Variants in ARFGEF1 observed in about 807,000 individuals in gnomAD.
ARFGEF1 encodes ARF guanine nucleotide exchange factor 1, also known as brefeldin A-inhibited guanine nucleotide-exchange protein 1.
In ARFGEF1, 42 loss-of-function variants were observed where a neutral mutation model predicts 231.0. The observed-to-expected ratio is 0.18, with a 90% confidence interval of 0.14 to 0.24. The LOEUF (loss-of-function observed/expected upper bound fraction) is 0.24. ARFGEF1 is among the 10% of genes least tolerant of loss of function. ARFGEF1 has a pLI of 1.00. For synonymous variants in ARFGEF1, 710 were observed against 732.3 expected, an observed-to-expected ratio of 0.97 and a Z score of 0.49; for missense variants, 1,345 against 2,192.0, an observed-to-expected ratio of 0.61 and a Z score of 7.72.
At chr8:67,237,801 G>C (rs1384146681) in intron 22 of ARFGEF1, among the ~76,000 whole-genome samples, 2 of 152,148 alleles carry the variant, frequency 1.3e-5, no homozygotes, top group African/African-American at 4.8e-5. Flanking sequence ...AATAAGCTCT[G>C]TTTCTTCCCT....
chr8:67,311,360 T>G (rs1271347697), intron 1 of ARFGEF1, among the ~76,000 whole-genome samples: 24 of 100,312 alleles, frequency 2.4e-4, no homozygotes, highest in Non-Finnish European at 4.8e-4. Flanking sequence ...CGGCCGCCCC[T>G]ACTGGGAAGT....
chr8:67,306,798 G>C (rs1481813737), intron 1 of ARFGEF1, among the ~76,000 whole-genome samples: 1 of 152,014 alleles, frequency 6.6e-6, no homozygotes, highest in Non-Finnish European at 1.5e-5. Context: ...CTTTTTTTCA[G>C]ACAGAGTCTC....
At chr8:67,207,380 C>T (rs184403979) in intron 34 of ARFGEF1, among the ~76,000 whole-genome samples, 3 of 152,320 alleles carry the variant, frequency 2.0e-5, no homozygotes, top group Admixed American at 6.5e-5. Context: ...AAGAATTTGG[C>T]AGATGAGGCT....
chr8:67,288,085 C>A lies in ARFGEF1; in HGVS notation c.917-20G>T. 6.6e-7 allele frequency: 1 copy of A among 1,504,048 alleles called. No individual in the cohort carries two copies. The allele number at this position is 1,504,048 out of a possible 1,614,324, so 93.2% of individuals were successfully genotyped here. ...ATAATGCTTTAAAAGAAGAAAAATTCAACAGAACATTATTTTAACTTTTTG... is the reference window on the plus strand; with the variant it reads ...ATAATGCTTTAAAAGAAGAAAAATTAAACAGAACATTATTTTAACTTTTTG... On this transcript the variant is annotated intron_variant, in intron 6 of 38. Transcript: ENST00000262215.
chr8:67,326,665 CATT>C (rs1372596930), intron 1 of ARFGEF1, among the ~76,000 whole-genome samples: 1 of 152,162 alleles, frequency 6.6e-6, no homozygotes, highest in Non-Finnish European at 1.5e-5. Context: ...CCTCACTTAA[CATT>C]GTTGTTCTTG....
At chr8:67,222,956 C>A (rs1239370779) in intron 29 of ARFGEF1, among the ~76,000 whole-genome samples, 2 of 152,170 alleles carry the variant, frequency 1.3e-5, no homozygotes, top group African/African-American at 4.8e-5. Flanking sequence ...ACATGCTGTG[C>A]AGGTTGTACC....
At chr8:67,297,932 A>G (rs1806310679) in intron 4 of ARFGEF1, among the ~76,000 whole-genome samples, 1 of 151,840 alleles carries the variant, frequency 6.6e-6, no homozygotes, top group African/African-American at 2.4e-5. Context: ...CCTCCTGAGT[A>G]GCTGGGACCA....
At chr8:67,273,616 CT>C (rs901505341) in intron 9 of ARFGEF1, among the ~76,000 whole-genome samples, 3 of 152,000 alleles carry the variant, frequency 2.0e-5, no homozygotes, top group Admixed American at 6.6e-5. Context: ...AAAAATACTA[CT>C]TTCTCTGAAA....
chr8:67,191,160 G>A (rs890898338), intron 5 of ARFGEF1, among the ~76,000 whole-genome samples: 2 of 152,176 alleles, frequency 1.3e-5, no homozygotes, highest in African/African-American at 2.4e-5. Flanking sequence ...TGGGCAAGAA[G>A]GCTGAGATTC....
At chr8:67,243,706 C>T (rs1840003306) in intron 19 of ARFGEF1, among the ~76,000 whole-genome samples, 1 of 152,172 alleles carries the variant, frequency 6.6e-6, no homozygotes, top group Non-Finnish European at 1.5e-5. Context: ...GCCCAGACAT[C>T]AATGAACATC....
intron 1 of ARFGEF1, among the ~76,000 whole-genome samples, chr8:67,302,668 T>C (rs1485851695): frequency 1.3e-5 from 2 of 152,180 alleles, no homozygotes; most frequent in East Asian, 1.9e-4. Flanking sequence ...ATAGGTACAT[T>C]AACAAACATA....
chr8:67,300,116 A>G (rs78638123), intron 3 of ARFGEF1, among the ~76,000 whole-genome samples: 346 of 152,300 alleles, frequency 2.3e-3, no homozygotes, highest in African/African-American at 8.0e-3. Flanking sequence ...CAGTTTCCAT[A>G]TACTAGCTGA....
chr8:67,263,245 C>A (rs2128892162), intron 14 of ARFGEF1, among the ~76,000 whole-genome samples: 1 of 152,264 alleles, frequency 6.6e-6, no homozygotes, highest in East Asian at 1.9e-4. Flanking sequence ...GTTTACAGAT[C>A]ATTTACTTCC....
intron 1 of ARFGEF1, among the ~76,000 whole-genome samples, chr8:67,331,951 G>A (rs1469941214): frequency 2.6e-5 from 4 of 152,070 alleles, no homozygotes; most frequent in Non-Finnish European, 4.4e-5. Flanking sequence ...ATTTTAAACA[G>A]TTCTGCATAT....
chr8:67,288,378 T>C (rs753725568), intron 6 of ARFGEF1, among the ~76,000 whole-genome samples: 10 of 152,244 alleles, frequency 6.6e-5, no homozygotes, highest in Non-Finnish European at 1.5e-4. Flanking sequence ...ATTTCTAACA[T>C]GTCCTACAGA....
At chr8:67,242,574 C>T (rs758842681) in intron 19 of ARFGEF1, among the ~76,000 whole-genome samples, 7 of 152,186 alleles carry the variant, frequency 4.6e-5, no homozygotes, top group Non-Finnish European at 8.8e-5. Context: ...CACTGTGGGA[C>T]TCGGGTGAGA....
chr8:67,223,653 T>C (rs989753915), intron 29 of ARFGEF1, among the ~76,000 whole-genome samples: 2 of 151,984 alleles, frequency 1.3e-5, no homozygotes, highest in African/African-American at 2.4e-5. Context: ...AATCTGAACA[T>C]GGAATATGGT....
intron 15 of ARFGEF1, among the ~76,000 whole-genome samples, chr8:67,259,605 A>G (rs925790926): frequency 3.3e-5 from 5 of 151,964 alleles, no homozygotes; most frequent in Admixed American, 6.5e-5. Context: ...ATGTATTATT[A>G]ACTTAAAAAA....
intron 5 of ARFGEF1, among the ~76,000 whole-genome samples, chr8:67,192,062 ATTTGT>A (rs1023233877): frequency 1.5e-5 from 2 of 134,896 alleles, no homozygotes; most frequent in African/African-American, 5.6e-5. Flanking sequence ...TCCTTTGCTG[ATTTGT>A]TTTTTTTTTT....
Sources: gnomAD v4.1 joint callset for allele counts (sites outside exome capture counted in the v4.1 genomes callset) on GRCh38, gnomAD v4.1.1 for gene constraint, MANE v1.5 for transcripts, NCBI Gene and HGNC (gene_info 2026-07-23, HGNC 2026-07-21) for gene names.